NADK2: variants seen among roughly 807,000 people sequenced by gnomAD.
NADK2 encodes NAD kinase 2, mitochondrial.
In NADK2, 35 loss-of-function variants were observed where a neutral mutation model predicts 62.1. That is an observed-to-expected ratio of 0.56 (90% CI 0.43 to 0.75). NADK2 has a LOEUF of 0.75. NADK2 is among the 30% of genes least tolerant of loss of function. The pLI is 0.00. For missense variants in NADK2, 439 were observed against 561.3 expected (o/e 0.78, Z 2.20); for synonymous variants, 205 against 207.9 (o/e 0.99, Z 0.12).
At chr5:36,225,962 C>G (rs912412845) in intron 3 of NADK2, among the ~76,000 whole-genome samples, 1 of 152,200 alleles carries the variant, frequency 6.6e-6, no homozygotes, top group African/African-American at 2.4e-5. Flanking sequence ...TTCTTTCCTT[C>G]TCCCATAACA....
In NADK2 at chr5:36,194,955, C is replaced by A. The variant is rs576811372; in HGVS notation, c.*189G>T. The A allele has an allele frequency of 2.8e-4, 150 of 530,186 alleles. No individual in the cohort carries two copies. The highest frequency in any genetic ancestry group is 2.7e-3 in the African/African-American group (137 of 50,686). The allele number at this position is 530,186 out of a possible 1,614,324, so 32.8% of individuals were successfully genotyped here. A position where few individuals can be genotyped will look rare whatever the true frequency, so the allele number is the denominator to read the frequency against. On this transcript the variant is annotated 3_prime_UTR_variant, in exon 12 of 12. Transcript: ENST00000381937. ...ATCAATTCTAATTGGTTCAGTCCAT[C>A]CATTTTCTTATACAGTGAATGTCTT... is the stretch of plus-strand genomic sequence containing the variant.
intron 11 of NADK2, among the ~76,000 whole-genome samples, chr5:36,196,838 TTAAGA>T (rs540335998): frequency 1.1e-3 from 172 of 152,240 alleles, no homozygotes; most frequent in African/African-American, 3.9e-3. Context: ...AACATGAATG[TTAAGA>T]TAAATTTCCT....
intron 8 of NADK2, among the ~76,000 whole-genome samples, chr5:36,206,161 G>A (rs1276719078): frequency 1.3e-5 from 2 of 152,076 alleles, no homozygotes; most frequent in Non-Finnish European, 2.9e-5. Flanking sequence ...GAGACTGTGG[G>A]AGGGATAGCA....
intron 6 of NADK2, among the ~76,000 whole-genome samples, chr5:36,214,460 G>A (rs1746969739): frequency 6.6e-6 from 1 of 152,150 alleles, no homozygotes; most frequent in Non-Finnish European, 1.5e-5. Context: ...AATTACAGGC[G>A]TGAACCACCG....
rs1195335192 is a variant in NADK2 at position 36,217,839 on chromosome 5, G to T, written c.690C>A (p.Gly230=). 6.2e-7 allele frequency: 1 copy of T among 1,613,870 alleles called. No individual in the cohort carries two copies. The highest frequency in any genetic ancestry group is 2.2e-5 in the East Asian group (1 of 44,858). The change falls in exon 6 of 12, where the codon GGC becomes GGA. Residue 230 remains glycine, a synonymous_variant. Coordinates refer to ENST00000381937, the MANE Select transcript of NADK2 (RefSeq NM_001085411.3). ...GAAGGTCCACAGGTACAGGGTTTAT[G>T]CCAGTCCCTTCAAGGTATAACCTGA... The part of the protein sequence containing the change: ...QRIRLYLEGT[G]INPVPVDLHE...
At chr5:36,217,416 G>A (rs1358966749) in intron 6 of NADK2, among the ~76,000 whole-genome samples, 1 of 151,754 alleles carries the variant, frequency 6.6e-6, no homozygotes, top group Non-Finnish European at 1.5e-5. Flanking sequence ...ATCTTCCACA[G>A]ATTAGCTCAT....
chr5:36,208,638 T>G (rs1308513391), intron 7 of NADK2: 1 of 1,531,968 alleles, frequency 6.5e-7, no homozygotes, highest in Admixed American at 2.0e-5. Context: ...CCCTTTAGAG[T>G]GGGTATACTT....
intron 1 of NADK2, among the ~76,000 whole-genome samples, chr5:36,236,898 A>G (rs2112204990): frequency 6.8e-6 from 1 of 147,910 alleles, no homozygotes; most frequent in African/African-American, 2.5e-5. Context: ...CAGGAATTGG[A>G]TAGAGGAAGA....
chr5:36,195,257 C>T lies in NADK2; in HGVS notation c.1216G>A (p.Asp406Asn), dbSNP rs1334221754. 6.2e-7 allele frequency: 1 copy of T among 1,610,926 alleles called. No homozygotes were observed. The highest frequency in any genetic ancestry group is 8.5e-7 in the Non-Finnish European group (1 of 1,178,778). ...CCTCCATCCACAACCATACAGGCAT[C>T]CCAACAACGAGAACGAACACAAACC... ...SKVCVRSRCWDACMVVDGGTS... is the reference protein window; with the variant it reads ...SKVCVRSRCWNACMVVDGGTS... Residue 406 changes from aspartate (D) to asparagine (N), a missense_variant, in exon 12 of 12, where the codon GAT becomes AAT. By Grantham distance (23) the Asp-to-Asn change is conservative. Coordinates refer to ENST00000381937, the MANE Select transcript of NADK2 (RefSeq NM_001085411.3).
chr5:36,234,372 CAAAAAAAAAAA>C (rs10551356), intron 1 of NADK2, among the ~76,000 whole-genome samples: 4 of 77,232 alleles, frequency 5.2e-5, no homozygotes, highest in African/African-American at 2.1e-4. Flanking sequence ...AACTCCGTCT[CAAAAAAAAAAA>C]AAAAAAAAAA....
chr5:36,197,974 A>T (rs1746296060), intron 10 of NADK2, among the ~76,000 whole-genome samples: 1 of 152,114 alleles, frequency 6.6e-6, no homozygotes, highest in Non-Finnish European at 1.5e-5. Context: ...CAATAGAGGA[A>T]TTAGATAGAT....
Position 36,195,058 on chromosome 5 carries a change from C to A in NADK2, c.*86G>T. ...ACGGGCAAGCAGTCTCAACAATAAC[C>A]AAAAAATGTCACTTTACGACTGGTA... On this transcript the variant is annotated 3_prime_UTR_variant, in exon 12 of 12. Transcript: ENST00000381937. 2 of 1,461,570 alleles carry A rather than the reference C, an allele frequency of 1.4e-6. No homozygotes were observed. Among genetic ancestry groups the A allele is most frequent in the East Asian group, 2.4e-5 (1 of 41,902 alleles). 90.5% of individuals were successfully genotyped at this position (1,461,570 alleles called of 1,614,324 possible). A position where few individuals can be genotyped will look rare whatever the true frequency, so the allele number is the denominator to read the frequency against.
rs1285389080 is a variant in NADK2, at chr5:36,193,893, C to T, written c.*1251G>A. 1 of 152,596 alleles carries T rather than the reference C, an allele frequency of 6.6e-6. No individual in the cohort carries two copies. Among genetic ancestry groups the T allele is most frequent in the African/African-American group, 2.4e-5 (1 of 41,440 alleles). 9.5% of individuals were successfully genotyped at this position (152,596 alleles called of 1,614,324 possible). A position where few individuals can be genotyped will look rare whatever the true frequency, so the allele number is the denominator to read the frequency against. ...TTTCATTCATCAACATATCCAGCAC[C>T]TGACATAGTTTTACATGGCACAGAG... On this transcript the variant is annotated 3_prime_UTR_variant, in exon 12 of 12. Coordinates refer to ENST00000381937, the MANE Select transcript of NADK2 (RefSeq NM_001085411.3).
chr5:36,226,600 CTAATAATATATATA>C (rs1423725826), intron 2 of NADK2, 37 bp from the exon 3 acceptor site: 1 of 1,396,472 alleles, frequency 7.2e-7, no homozygotes, highest in Non-Finnish European at 1.0e-6. Context: ...GAAATTTCCA[CTAATAATATATATA>C]ACAGGGGTAT....
intron 1 of NADK2, among the ~76,000 whole-genome samples, chr5:36,231,932 A>T (rs946991442): frequency 5.3e-5 from 8 of 151,938 alleles, no homozygotes; most frequent in African/African-American, 1.9e-4. Flanking sequence ...TCTCTCCATT[A>T]AAATAAATAA....
intron 4 of NADK2, chr5:36,221,637 G>A (rs1747272619): frequency 1.3e-5 from 2 of 152,168 alleles, no homozygotes; most frequent in Admixed American, 1.3e-4. Flanking sequence ...GGCAAGAAGA[G>A]AAACCAAAGA....
rs1420065999 is a variant in NADK2 at position 36,241,591 on chromosome 5, G to GGGAGGGGCGGAAGCCGCCGTC, written c.187_207dup (p.Asp63_Ser69dup). On this transcript the variant is annotated inframe_insertion, in exon 1 of 12. Coordinates refer to ENST00000381937, the MANE Select transcript of NADK2 (RefSeq NM_001085411.3). The surrounding 1 kb of genome is among the most constrained non-coding windows in gnomAD (Gnocchi z 4.9). ...GTGGTTTTGGCCACCACCACCACCC[G>GGGAGGGGCGGAAGCCGCCGTC]GGAGGGGCGGAAGCCGCCGTCCGCG... 1 of 1,523,810 alleles carries GGGAGGGGCGGAAGCCGCCGTC rather than the reference G, an allele frequency of 6.6e-7. No homozygotes were observed. Among genetic ancestry groups the GGGAGGGGCGGAAGCCGCCGTC allele is most frequent in the African/African-American group, 1.4e-5 (1 of 69,566 alleles). The allele number at this position is 1,523,810 out of a possible 1,614,324, so 94.4% of individuals were successfully genotyped here. A position where few individuals can be genotyped will look rare whatever the true frequency, so the allele number is the denominator to read the frequency against.
intron 11 of NADK2, among the ~76,000 whole-genome samples, chr5:36,196,694 T>C (rs1264873942): frequency 6.6e-6 from 1 of 152,150 alleles, no homozygotes; most frequent in African/African-American, 2.4e-5. Context: ...ATCTTTTCCA[T>C]GTCAAAATCA....
chr5:36,200,156 C>A, intron 10 of NADK2, 71 bp downstream of exon 10: 1 of 1,092,854 alleles, frequency 9.2e-7, no homozygotes, highest in Non-Finnish European at 1.3e-6. Flanking sequence ...AATTAAACAA[C>A]ACTTCACACT....
Sources: gnomAD v4.1 joint callset for allele counts (sites outside exome capture counted in the v4.1 genomes callset) on GRCh38, gnomAD v4.1.1 for gene constraint, Gnocchi (gnomAD v3.1) non-coding constraint, MANE v1.5 for transcripts, NCBI Gene and HGNC (gene_info 2026-07-23, HGNC 2026-07-21) for gene names.